FMR1NB: variants seen among roughly 807,000 people sequenced by gnomAD.
FMR1NB encodes FMR1 neighbor protein.
A neutral mutation model predicts 16.8 loss-of-function variants in FMR1NB; 10 were observed. That is an observed-to-expected ratio of 0.60 (90% confidence interval 0.37 to 1.01). FMR1NB has a LOEUF of 1.01. Ranked by LOEUF, FMR1NB falls within the 50% of genes least tolerant of loss-of-function variation. FMR1NB has a pLI of 0.01. For missense variants in FMR1NB, 205 were observed against 204.8 expected, an observed-to-expected ratio of 1.00 and a Z score of 0.00; for synonymous variants, 83 against 79.1, an observed-to-expected ratio of 1.05 and a Z score of -0.26.
At chrX:148,011,779 C>T (rs1264998090) in intron 4 of FMR1NB, among the ~76,000 whole-genome samples, 1 of 110,749 alleles carries the variant, frequency 9.0e-6, no homozygotes, top group Non-Finnish European at 1.9e-5. Flanking sequence ...TAATTTATTT[C>T]ATTTCCTAGC....
intron 1 of FMR1NB, among the ~76,000 whole-genome samples, chrX:147,989,621 C>T (rs12013815): frequency 0.13 from 14,689 of 111,591 alleles, 1,232 homozygotes; most frequent in African/African-American, 0.32. Flanking sequence ...CGCCGACAGC[C>T]GCCCCTTTCC....
intron 4 of FMR1NB, among the ~76,000 whole-genome samples, chrX:148,016,700 T>C (rs1383972009): frequency 8.9e-6 from 1 of 111,800 alleles, no homozygotes; most frequent in Non-Finnish European, 1.9e-5. Context: ...GATAACAACA[T>C]AACATTGTTT....
intron 1 of FMR1NB, among the ~76,000 whole-genome samples, chrX:147,987,800 T>C (rs2044484558): frequency 9.0e-6 from 1 of 111,525 alleles, no homozygotes; most frequent in African/African-American, 3.3e-5. Context: ...TGCCCTTCTT[T>C]GTCTTTTTTG....
rs142312123 is a variant in FMR1NB, at chrX:147,981,592, C to A, written c.190C>A (p.Arg64=). The stretch of plus-strand genomic sequence containing the variant: ...AGGATGGCGGGAATCTCTAAAGATG[C>A]GGGTCAGCAAACCCTTTGGGATGCT... ...QPGWRESLKM[R]VSKPFGMLML... is the part of the protein sequence containing the mutation. Residue 64 remains arginine (R), a synonymous_variant, in exon 1 of 6, where the codon CGG becomes AGG. Coordinates refer to ENST00000370467, the MANE Select transcript of FMR1NB (RefSeq NM_152578.3). 8.3e-7 allele frequency: 1 copy of A among 1,209,179 alleles called. No homozygotes were observed. The highest frequency in any genetic ancestry group is 1.1e-6 in the Non-Finnish European group (1 of 894,928).
At chrX:147,990,325 C>A in intron 1 of FMR1NB, among the ~76,000 whole-genome samples, 1 of 111,772 alleles carries the variant, frequency 8.9e-6, no homozygotes, top group Middle Eastern at 4.7e-3. Context: ...CACCCACTGC[C>A]TAACCAGTCC....
intron 1 of FMR1NB, among the ~76,000 whole-genome samples, chrX:147,992,187 C>T (rs1453488142): frequency 1.9e-5 from 2 of 106,768 alleles, no homozygotes; most frequent in Admixed American, 9.9e-5. Flanking sequence ...ACCTCCCAGA[C>T]GGGGTGGTGG....
intron 1 of FMR1NB, among the ~76,000 whole-genome samples, chrX:147,985,346 G>A (rs1367931713): frequency 1.8e-5 from 2 of 111,503 alleles, no homozygotes; most frequent in East Asian, 5.6e-4. Flanking sequence ...AAAGTTATGG[G>A]ATACATGTGC....
intron 1 of FMR1NB, among the ~76,000 whole-genome samples, chrX:147,995,800 G>A (rs12006671): frequency 0.15 from 16,481 of 112,027 alleles, 1,631 homozygotes; most frequent in African/African-American, 0.37. Flanking sequence ...GCTGCCTGCC[G>A]TGTACCTAAT....
chrX:147,981,495 G>C lies in FMR1NB; in HGVS notation c.93G>C (p.Leu31Phe), dbSNP rs2044445829. 1 of 1,211,870 alleles carries C rather than the reference G, an allele frequency of 8.3e-7. No individual in the cohort carries two copies. Among genetic ancestry groups the C allele is most frequent in the Non-Finnish European group, 1.1e-6 (1 of 895,520 alleles). Reference sequence around the variant, plus strand: ...ACTTAGAGCTGGCAACTTATGAGTTGGCGGCAACTGAGTCGAATCCCGAGA... The same window carrying C: ...ACTTAGAGCTGGCAACTTATGAGTTCGCGGCAACTGAGTCGAATCCCGAGA... ...VAHLELATYE[L>F]AATESNPESS... The change falls in exon 1 of 6, where the codon TTG becomes TTC. Residue 31 changes from leucine to phenylalanine, a missense_variant. Coordinates refer to ENST00000370467, the MANE Select transcript of FMR1NB (RefSeq NM_152578.3).
At chrX:147,990,024 G>A (rs1478949628) in intron 1 of FMR1NB, among the ~76,000 whole-genome samples, 5 of 95,489 alleles carry the variant, frequency 5.2e-5, no homozygotes, top group Non-Finnish European at 1.0e-4. Flanking sequence ...GGGGTTCCAG[G>A]TGCCACTGGG....
intron 1 of FMR1NB, among the ~76,000 whole-genome samples, chrX:147,982,622 G>A (rs1268092656): frequency 2.0e-5 from 2 of 100,501 alleles, no homozygotes; most frequent in African/African-American, 3.7e-5. Context: ...GGCCGGGCGC[G>A]GTGGGTCATG....
rs148100659 is a variant in FMR1NB, at chrX:148,006,796, A to T, written c.492A>T (p.Ser164=). ...GTTTGAGACACAAATGCTGTTTTTC[A>T]TCATCGGGGACCACGAGCTTCAAAT... ...SECLRHKCCF[S]SSGTTSFKCF... The change falls in exon 3 of 6, where the codon TCA becomes TCT. Residue 164 remains serine (S), a synonymous_variant. Coordinates refer to ENST00000370467, the MANE Select transcript of FMR1NB (RefSeq NM_152578.3). The T allele has an allele frequency of 8.1e-5, 98 of 1,209,742 alleles. No homozygotes were observed. The African/African-American group carries it at 1.6e-3, about 20-fold the overall frequency.
chrX:148,024,794 C>T (rs2044695217), intron 4 of FMR1NB, 71 bp from the exon 5 acceptor site: 1 of 1,131,734 alleles, frequency 8.8e-7, no homozygotes, highest in Non-Finnish European at 1.2e-6. Context: ...TATTTTTTTC[C>T]TTATAACCCT....
intron 3 of FMR1NB, among the ~76,000 whole-genome samples, chrX:148,007,257 T>A (rs73247527): frequency 0.033 from 3,667 of 111,617 alleles, 59 homozygotes; most frequent in Non-Finnish European, 0.051. Context: ...GACTTGAATG[T>A]TTCTTGTTAA....
intron 1 of FMR1NB, among the ~76,000 whole-genome samples, chrX:147,986,653 G>T (rs998916553): frequency 9.0e-6 from 1 of 111,049 alleles, no homozygotes; most frequent in Non-Finnish European, 1.9e-5. Flanking sequence ...TAATTCTGAG[G>T]CCTCTGTTCT....
intron 5 of FMR1NB, among the ~76,000 whole-genome samples, chrX:148,025,223 G>T (rs1408873153): frequency 1.8e-5 from 2 of 111,343 alleles, no homozygotes; most frequent in African/African-American, 3.3e-5. Flanking sequence ...ATTGTTTTGA[G>T]TGCCACATTA....
chrX:148,012,000 G>C (rs1317620047), intron 4 of FMR1NB, among the ~76,000 whole-genome samples: 1 of 111,592 alleles, frequency 9.0e-6, no homozygotes, highest in Non-Finnish European at 1.9e-5. Context: ...TATAAGATGT[G>C]TTTTTGAAAT....
Position 147,981,686 on chromosome X carries a change from G to T in FMR1NB, c.277+7G>T, listed in dbSNP as rs782090366. On this transcript the variant is annotated splice_region_variant and intron_variant, in intron 1 of 5. Coordinates refer to ENST00000370467, the MANE Select transcript of FMR1NB (RefSeq NM_152578.3). The stretch of plus-strand genomic sequence containing the variant: ...TCCTACTACCTGTGCTCCGGTGAGT[G>T]CTGGCTCAGGCCAGGCAGGGAAATG... 4.5e-6 allele frequency: 5 copies of T among 1,120,183 alleles called. No individual in the cohort carries two copies. Among genetic ancestry groups the T allele is most frequent in the Middle Eastern group, 2.6e-4 (1 of 3,786 alleles). The allele number at this position is 1,120,183 out of a possible 1,213,427, so 92.3% of individuals were successfully genotyped here.
intron 2 of FMR1NB, among the ~76,000 whole-genome samples, chrX:148,005,288 T>TTAACCC (rs1293470707): frequency 8.9e-6 from 1 of 111,758 alleles, no homozygotes; most frequent in Non-Finnish European, 1.9e-5. Context: ...CTTCTACGAT[T>TTAACCC]TAACCCTAAC....
Sources: allele counts gnomAD v4.1 joint callset (sites outside exome capture counted in the v4.1 genomes callset), GRCh38; gene constraint gnomAD v4.1.1; transcripts MANE v1.5; gene names NCBI Gene and HGNC (gene_info 2026-07-23, HGNC 2026-07-21).